Variants in TSPAN9 observed in about 807,000 individuals in gnomAD.
TSPAN9 encodes the protein tetraspanin-9.
TSPAN9 carries 16 observed loss-of-function variants against 31.0 expected under a neutral mutation model. The ratio of observed to expected loss-of-function variants is 0.52; its 90% CI spans 0.35 to 0.78. The LOEUF is 0.78. Ranked by LOEUF, TSPAN9 falls within the 30% of genes least tolerant of loss-of-function variation. TSPAN9 has a pLI of 0.01. For missense variants in TSPAN9, 272 were observed against 312.5 expected, an observed-to-expected ratio of 0.87 and a Z score of 0.98; for synonymous variants, 145 against 121.6, an observed-to-expected ratio of 1.19 and a Z score of -1.27.
At chr12:3,222,796 A>G (rs2098385213) in intron 3 of TSPAN9, among the ~76,000 whole-genome samples, 1 of 152,200 alleles carries the variant, frequency 6.6e-6, no homozygotes, top group African/African-American at 2.4e-5. Context: ...ACCATGACTA[A>G]TAGCCCTCTC....
chr12:3,099,255 C>G (rs1018015822), intron 2 of TSPAN9, among the ~76,000 whole-genome samples: 1 of 152,004 alleles, frequency 6.6e-6, no homozygotes, highest in South Asian at 2.1e-4. Flanking sequence ...TGAATAGTTT[C>G]TATTGCTATG....
chr12:3,157,809 C>A (rs913116270), intron 2 of TSPAN9, among the ~76,000 whole-genome samples: 1 of 152,166 alleles, frequency 6.6e-6, no homozygotes, highest in African/African-American at 2.4e-5. Flanking sequence ...CAGGCAGGCA[C>A]CACCGCTGTC....
intron 2 of TSPAN9, among the ~76,000 whole-genome samples, chr12:3,128,125 G>A (rs988876123): frequency 6.6e-6 from 1 of 152,224 alleles, no homozygotes; most frequent in Admixed American, 6.5e-5. Context: ...GTTATGTGGT[G>A]CATGATGGTA....
intron 2 of TSPAN9, among the ~76,000 whole-genome samples, chr12:3,178,160 G>A (rs538807485): frequency 2.0e-5 from 3 of 152,012 alleles, no homozygotes; most frequent in Admixed American, 6.6e-5. Flanking sequence ...TTTCCTCACC[G>A]TCTCCGCTAC....
chr12:3,107,919 C>T lies in TSPAN9; in HGVS notation c.-18+24200C>T, dbSNP rs892431599. On this transcript the variant is annotated intron_variant, in intron 2 of 8. Coordinates refer to ENST00000011898, the MANE Select transcript of TSPAN9 (RefSeq NM_006675.5). The surrounding 1 kb of genome is among the most constrained non-coding windows in gnomAD (Gnocchi z 4.1). The stretch of plus-strand genomic sequence containing the variant: ...ACATATTCCTGCTCCCTGGACCAAC[C>T]TCGTGCTATTTATACTTTCAACTCT... 1.3e-5 allele frequency among the ~76,000 whole-genome samples: 2 copies of T among 152,154 alleles called. No individual in the cohort carries two copies. Among genetic ancestry groups the T allele is most frequent in the African/African-American group, 4.8e-5 (2 of 41,438 alleles).
At chr12:3,174,798 G>A (rs983552527) in intron 2 of TSPAN9, among the ~76,000 whole-genome samples, 13 of 149,940 alleles carry the variant, frequency 8.7e-5, no homozygotes, top group Admixed American at 4.0e-4. Flanking sequence ...TAGCCAGGAT[G>A]GTCTCGATCT....
intron 2 of TSPAN9, among the ~76,000 whole-genome samples, chr12:3,180,904 G>A (rs1040741075): frequency 2.6e-5 from 4 of 152,162 alleles, no homozygotes; most frequent in Non-Finnish European, 4.4e-5. Context: ...CTATTTTTCT[G>A]TGCACCTGCT....
At chr12:3,095,745 G>A (rs572694309) in intron 2 of TSPAN9, among the ~76,000 whole-genome samples, 5 of 149,330 alleles carry the variant, frequency 3.3e-5, no homozygotes, top group South Asian at 2.1e-4. Flanking sequence ...ATGGGCGGCC[G>A]GGCAGAGACG....
chr12:3,145,771 CAG>C (rs1315406119), intron 2 of TSPAN9, among the ~76,000 whole-genome samples: 1 of 152,208 alleles, frequency 6.6e-6, no homozygotes, highest in African/African-American at 2.4e-5. Context: ...GGGTTCAGAG[CAG>C]AGAGGGCTCA....
chr12:3,218,874 C>G (rs2098382782), intron 3 of TSPAN9, among the ~76,000 whole-genome samples: 1 of 151,788 alleles, frequency 6.6e-6, no homozygotes, highest in South Asian at 2.1e-4. Context: ...TTTCCTTTAC[C>G]CCCCGGCAAT....
chr12:3,283,325 G>A lies in TSPAN9; in HGVS notation c.*209G>A, dbSNP rs567525881. ...GGCACACGGAGACCTGGGGCTCGGGGCCCCTGGATTCCTGCATCTGCATAT... is the reference window on the plus strand; with the variant it reads ...GGCACACGGAGACCTGGGGCTCGGGACCCCTGGATTCCTGCATCTGCATAT... On this transcript the variant is annotated 3_prime_UTR_variant, in exon 9 of 9. Coordinates refer to ENST00000011898, the MANE Select transcript of TSPAN9 (RefSeq NM_006675.5). 31 of 549,910 alleles carry A rather than the reference G, an allele frequency of 5.6e-5. 1 individual carries two copies. In the East Asian group the frequency reaches 8.9e-4, roughly 16 times the overall value. The allele number at this position is 549,910 out of a possible 1,614,324, so 34.1% of individuals were successfully genotyped here.
intron 2 of TSPAN9, among the ~76,000 whole-genome samples, chr12:3,114,899 A>G (rs753196981): frequency 9.2e-5 from 14 of 151,860 alleles, no homozygotes; most frequent in Non-Finnish European, 1.9e-4. Context: ...GAAGAAGGCC[A>G]ACAGGTTTGT....
chr12:3,208,097 G>C (rs564882444), intron 3 of TSPAN9, among the ~76,000 whole-genome samples: 2 of 152,328 alleles, frequency 1.3e-5, no homozygotes, highest in Non-Finnish European at 2.9e-5. Context: ...CTTGGACTTC[G>C]TGCGCAGGAG....
At chr12:3,165,693 G>A (rs369961213) in intron 2 of TSPAN9, among the ~76,000 whole-genome samples, 4 of 152,156 alleles carry the variant, frequency 2.6e-5, no homozygotes, top group South Asian at 2.1e-4. Flanking sequence ...TCTCAAGGCC[G>A]CGAGTGAGCT....
chr12:3,109,301 A>AGT (rs1565578971), intron 2 of TSPAN9, among the ~76,000 whole-genome samples: 4 of 41,948 alleles, frequency 9.5e-5, no homozygotes, highest in Non-Finnish European at 1.4e-4. Flanking sequence ...TGTGTGTGTG[A>AGT]GAGAGAGTGT....
chr12:3,132,449 A>G lies in TSPAN9; in HGVS notation c.-18+48730A>G, dbSNP rs987507347. Among the ~76,000 whole-genome samples, 3 of 152,022 alleles carry G rather than the reference A, an allele frequency of 2.0e-5. No homozygotes were observed. The East Asian group carries it at 5.8e-4, about 29-fold the overall frequency. On this transcript the variant is annotated intron_variant, in intron 2 of 8. Transcript: ENST00000011898. ...CAACACTTGTTATTTTCCTTTTTAA[A>G]AAAATTATGGCCATCCTAGATGTGA...
chr12:3,254,267 T>G (rs1366329921), intron 3 of TSPAN9, among the ~76,000 whole-genome samples: 2 of 152,204 alleles, frequency 1.3e-5, no homozygotes, highest in Admixed American at 1.3e-4. Flanking sequence ...GACTCCAGCT[T>G]CTTTTCTGAC....
At chr12:3,195,440 A>G (rs1591670384) in intron 2 of TSPAN9, among the ~76,000 whole-genome samples, 1 of 151,246 alleles carries the variant, frequency 6.6e-6, no homozygotes, top group South Asian at 2.1e-4. Flanking sequence ...AAAAAAAAAT[A>G]AAAGAAAAGT....
chr12:3,175,559 T>G (rs540465666), intron 2 of TSPAN9, among the ~76,000 whole-genome samples: 5 of 152,324 alleles, frequency 3.3e-5, no homozygotes, highest in East Asian at 3.9e-4. Flanking sequence ...ACCCAGCCTC[T>G]CTCGCTGTGC....
Sources: allele counts gnomAD v4.1 joint callset (sites outside exome capture counted in the v4.1 genomes callset), GRCh38; gene constraint gnomAD v4.1.1; non-coding constraint Gnocchi (gnomAD v3.1); transcripts MANE v1.5; gene names NCBI Gene and HGNC (gene_info 2026-07-23, HGNC 2026-07-21).